OPA1: variants seen among roughly 807,000 people sequenced by gnomAD.
The protein encoded by OPA1 is OPA1 mitochondrial dynamin like GTPase, also known as dynamin-like GTPase OPA1, mitochondrial.
Under a neutral mutation model 152.9 loss-of-function variants are expected in OPA1, and 59 were observed. The ratio of observed to expected loss-of-function variants is 0.39; its 90% CI spans 0.31 to 0.48. The LOEUF (loss-of-function observed/expected upper bound fraction) is 0.48. OPA1 is among the 20% of genes least tolerant of loss of function. The pLI, the probability that OPA1 is intolerant of heterozygous loss-of-function variation, is 0.96. For missense variants in OPA1, 1,008 were observed against 1,216.8 expected (o/e 0.83, Z 2.55); for synonymous variants, 400 against 389.9 (o/e 1.03, Z -0.31).
At chr3:193,680,441 G>C (rs747002159) in intron 29 of OPA1, among the ~76,000 whole-genome samples, 10 of 152,160 alleles carry the variant, frequency 6.6e-5, no homozygotes, top group Non-Finnish European at 1.3e-4. Context: ...TCTTTCTTAT[G>C]CTGGGAACAT....
At chr3:193,661,114 G>T (rs1056582480) in intron 25 of OPA1, among the ~76,000 whole-genome samples, 2 of 152,202 alleles carry the variant, frequency 1.3e-5, no homozygotes, top group Admixed American at 6.5e-5. Flanking sequence ...TTTTTGTCAG[G>T]AACTTAAACC....
intron 28 of OPA1, among the ~76,000 whole-genome samples, 200 bp downstream of exon 28, chr3:193,666,589 A>G (rs530857289): frequency 6.6e-6 from 1 of 152,258 alleles, no homozygotes; most frequent in African/African-American, 2.4e-5. Flanking sequence ...GTAGTTTGAG[A>G]CCAGCCTGGG....
chr3:193,697,294 T>A lies in OPA1; in HGVS notation c.*2694T>A, dbSNP rs886058262. ...TCTCTAAGCTGGTCTATGTTATAGC[T>A]CTAGCAGTATGGAAATGTGCTTTAA... On this transcript the variant is annotated 3_prime_UTR_variant, in exon 31 of 31. Transcript: ENST00000361510. 42 of 152,254 alleles carry A rather than the reference T, an allele frequency of 2.8e-4. No individual in the cohort carries two copies. The highest frequency in any genetic ancestry group is 2.7e-3 in the Admixed American group (41 of 15,280). 9.4% of individuals were successfully genotyped at this position (152,254 alleles called of 1,614,324 possible).
At chr3:193,672,714 C>G (rs1034918764) in intron 29 of OPA1, among the ~76,000 whole-genome samples, 6 of 151,922 alleles carry the variant, frequency 3.9e-5, no homozygotes, top group South Asian at 2.1e-4. Context: ...ACTAAAAATG[C>G]GAAAATTAGC....
At chr3:193,692,202 C>A in intron 30 of OPA1, 70 bp downstream of exon 30, 2 of 812,722 alleles carry the variant, frequency 2.5e-6, no homozygotes, top group Non-Finnish European at 4.2e-6. Flanking sequence ...AATAGTTTAT[C>A]ATTCTGCTTC....
At chr3:193,685,529 A>G (rs1196126008) in intron 29 of OPA1, among the ~76,000 whole-genome samples, 1 of 152,192 alleles carries the variant, frequency 6.6e-6, no homozygotes, top group Admixed American at 6.5e-5. Context: ...ATGGACATCT[A>G]TTACATAGCA....
At chr3:193,689,390 A>G (rs989646126) in intron 29 of OPA1, among the ~76,000 whole-genome samples, 3 of 152,202 alleles carry the variant, frequency 2.0e-5, no homozygotes, top group African/African-American at 4.8e-5. Context: ...GTTTCAAGGC[A>G]TGGTAGTACT....
chr3:193,593,294 T>A lies in OPA1; in HGVS notation c.-84T>A. ...TGCTGAGGGCCACTTCCTGGGTCAT[T>A]CCTGGACCGGGAGCCGGGCTGGGGC... is the stretch of plus-strand genomic sequence containing the variant. On this transcript the variant is annotated 5_prime_UTR_variant, in exon 1 of 31. Coordinates refer to ENST00000361510, the MANE Select transcript of OPA1 (RefSeq NM_130837.3). 2 of 1,444,480 alleles carry A rather than the reference T, an allele frequency of 1.4e-6. No homozygotes were observed. The highest frequency in any genetic ancestry group is 9.3e-7 in the Non-Finnish European group (1 of 1,074,322). 89.5% of individuals were successfully genotyped at this position (1,444,480 alleles called of 1,614,324 possible).
chr3:193,640,423 G>A (rs1344412082), intron 11 of OPA1, among the ~76,000 whole-genome samples: 1 of 152,192 alleles, frequency 6.6e-6, no homozygotes. Context: ...ACATGCTGCT[G>A]ATCCATCAAG....
At chr3:193,594,328 C>T (rs1725159485) in intron 1 of OPA1, among the ~76,000 whole-genome samples, 1 of 152,116 alleles carries the variant, frequency 6.6e-6, no homozygotes, top group Admixed American at 6.5e-5. Context: ...TTTTTCCAGA[C>T]CTTTTTAAGT....
At chr3:193,621,973 G>C (rs1730167421) in intron 6 of OPA1, among the ~76,000 whole-genome samples, 1 of 152,154 alleles carries the variant, frequency 6.6e-6, no homozygotes, top group Admixed American at 6.5e-5. Context: ...TTGTGTTCCA[G>C]TGAAATTGAT....
At chr3:193,621,171 T>C (rs1729994268) in intron 6 of OPA1, among the ~76,000 whole-genome samples, 1 of 152,212 alleles carries the variant, frequency 6.6e-6, no homozygotes, top group Non-Finnish European at 1.5e-5. Flanking sequence ...TGAATCAGCT[T>C]TTTAAAAAAG....
chr3:193,625,281 A>T (rs188628828), intron 6 of OPA1, among the ~76,000 whole-genome samples: 1 of 152,174 alleles, frequency 6.6e-6, no homozygotes, highest in East Asian at 1.9e-4. Flanking sequence ...TTTTGTGCAT[A>T]GGTCCAAACT....
At chr3:193,653,493 G>A (rs1353957711) in intron 21 of OPA1, among the ~76,000 whole-genome samples, 2 of 151,486 alleles carry the variant, frequency 1.3e-5, no homozygotes, top group Non-Finnish European at 2.9e-5. Context: ...TTTTTATATT[G>A]TAGTATTCTA....
intron 1 of OPA1, among the ~76,000 whole-genome samples, chr3:193,598,050 C>T (rs551639512): frequency 1.3e-5 from 2 of 152,132 alleles, no homozygotes; most frequent in Non-Finnish European, 2.9e-5. Flanking sequence ...CATTGCACTC[C>T]ACGTTGGGCA....
chr3:193,694,806 T>G lies in OPA1; in HGVS notation c.*206T>G, dbSNP rs1324860453. The G allele has an allele frequency of 6.6e-6, 1 of 152,252 alleles. No homozygotes were observed. The highest frequency in any genetic ancestry group is 2.4e-5 in the African/African-American group (1 of 41,470). The allele number at this position is 152,252 out of a possible 1,614,324, so 9.4% of individuals were successfully genotyped here. On this transcript the variant is annotated 3_prime_UTR_variant, in exon 31 of 31. Coordinates refer to ENST00000361510, the MANE Select transcript of OPA1 (RefSeq NM_130837.3). ...GAACAGTGGTAATGGATTAACATCCTATTTTGTTGTACTAAAGTGACAAAT... is the reference window on the plus strand; with the variant it reads ...GAACAGTGGTAATGGATTAACATCCGATTTTGTTGTACTAAAGTGACAAAT...
In OPA1 at chr3:193,684,742, C is replaced by T. The variant is rs183063791; in HGVS notation, c.2984-7321C>T. On this transcript the variant is annotated intron_variant, in intron 29 of 30. Transcript: ENST00000361510. ...CTGGGATTACAGGCGTGAGCCACTG[C>T]GCCCAGCCAAGTACTATTTTTATTA... 4.7e-3 allele frequency among the ~76,000 whole-genome samples: 708 copies of T among 152,044 alleles called. 18 individuals are homozygous for T. The highest frequency in any genetic ancestry group is 0.035 in the Admixed American group (539 of 15,294).
At chr3:193,666,449 C>A in intron 28 of OPA1, 60 bp downstream of exon 28, 1 of 1,322,328 alleles carries the variant, frequency 7.6e-7, no homozygotes, top group Non-Finnish European at 1.1e-6. Context: ...TGGTAATATC[C>A]ATATTTAATA....
intron 11 of OPA1, among the ~76,000 whole-genome samples, chr3:193,642,506 G>A (rs959363426): frequency 3.9e-5 from 6 of 152,154 alleles, no homozygotes; most frequent in African/African-American, 1.4e-4. Context: ...CAGCATTTTA[G>A]GTCATAAGCG....
Sources: allele counts gnomAD v4.1 joint callset (sites outside exome capture counted in the v4.1 genomes callset), GRCh38; gene constraint gnomAD v4.1.1; transcripts MANE v1.5; gene names NCBI Gene and HGNC (gene_info 2026-07-23, HGNC 2026-07-21).